The following OPCML variants were observed in gnomAD, a reference collection of about 807,000 sequenced individuals.
OPCML encodes the protein opioid binding protein/cell adhesion molecule like, also known as opioid-binding protein/cell adhesion molecule.
In OPCML, 13 loss-of-function variants were observed where a neutral mutation model predicts 37.8. That is an observed-to-expected ratio of 0.34 (90% CI 0.22 to 0.55). The LOEUF is 0.55. OPCML is among the 20% of genes least tolerant of loss of function. The pLI is 0.91. For synonymous variants in OPCML, 176 were observed against 168.8 expected, an observed-to-expected ratio of 1.04 and a Z score of -0.33; for missense variants, 341 against 435.6, an observed-to-expected ratio of 0.78 and a Z score of 1.93.
chr11:132,646,070 A>G (rs1941133440), intron 3 of OPCML, among the ~76,000 whole-genome samples: 1 of 151,870 alleles, frequency 6.6e-6, no homozygotes, highest in Non-Finnish European at 1.5e-5. Context: ...AATAAGAAAT[A>G]AGAGTGGAAA....
At chr11:132,598,496 A>T (rs1003698273) in intron 3 of OPCML, among the ~76,000 whole-genome samples, 1 of 152,182 alleles carries the variant, frequency 6.6e-6, no homozygotes, top group Non-Finnish European at 1.5e-5. Context: ...AGTCACCATG[A>T]AAACAAGTAT....
chr11:133,151,270 C>T (rs142247249), intron 1 of OPCML, among the ~76,000 whole-genome samples: 2,184 of 151,538 alleles, frequency 0.014, 49 homozygotes, highest in African/African-American at 0.05. Context: ...GAGACTCTGT[C>T]TCAATAATAA....
intron 1 of OPCML, chr11:133,420,374 G>T (rs1349890202): frequency 1.0e-6 from 1 of 985,410 alleles, no homozygotes; most frequent in African/African-American, 1.7e-5. Context: ...AGGTCTCTAG[G>T]ACAGTAGTTG....
chr11:132,732,294 T>A (rs1945103637), intron 2 of OPCML, among the ~76,000 whole-genome samples: 3 of 152,226 alleles, frequency 2.0e-5, no homozygotes, highest in Admixed American at 2.0e-4. Context: ...AACTAAGTCA[T>A]ACACCTAAGT....
intron 1 of OPCML, among the ~76,000 whole-genome samples, chr11:133,158,772 A>ATAAAATAAAAT (rs1565478783): frequency 1.7e-4 from 25 of 149,576 alleles, no homozygotes; most frequent in African/African-American, 5.8e-4. Flanking sequence ...ATTAAAAAAA[A>ATAAAATAAAAT]TTTCTAGGAG....
chr11:133,329,959 C>T (rs1025920328), intron 1 of OPCML, among the ~76,000 whole-genome samples: 7 of 152,062 alleles, frequency 4.6e-5, no homozygotes, highest in African/African-American at 1.7e-4. Context: ...GGCTAATATC[C>T]AGAATCTACA....
At position 132,606,852 on chromosome 11, in the gene OPCML, C is replaced by T. The variant is rs527616965; in HGVS notation, c.379+50235G>A. Among the ~76,000 whole-genome samples the T allele has an allele frequency of 5.9e-5, 9 of 152,260 alleles. 1 individual carries two copies. In the South Asian group the frequency reaches 1.9e-3, roughly 32 times the overall value. ...ATTGATAAGTAGATGAGCAGTGTCT[C>T]CCCCCACCCACCGCTCACCCCAGTT... is the stretch of plus-strand genomic sequence containing the variant. On this transcript the variant is annotated intron_variant, in intron 3 of 7. Coordinates refer to ENST00000524381, the MANE Select transcript of OPCML (RefSeq NM_001012393.5).
At chr11:132,576,105 A>C (rs889011794) in intron 3 of OPCML, among the ~76,000 whole-genome samples, 28 of 151,950 alleles carry the variant, frequency 1.8e-4, no homozygotes, top group African/African-American at 6.3e-4. Flanking sequence ...GACTTTTGAC[A>C]ATTTGATTTT....
intron 1 of OPCML, among the ~76,000 whole-genome samples, chr11:133,451,397 G>A (rs957189193): frequency 7.9e-5 from 12 of 151,730 alleles, no homozygotes; most frequent in African/African-American, 2.7e-4. Context: ...TGAGCATGAA[G>A]TGGAATTACT....
chr11:132,502,467 C>A (rs1592274926), intron 4 of OPCML, among the ~76,000 whole-genome samples: 1 of 152,348 alleles, frequency 6.6e-6, no homozygotes, highest in East Asian at 1.9e-4. Context: ...CACATCACAT[C>A]TCCTCCTCCT....
rs185882304 is a variant in OPCML at position 133,465,245 on chromosome 11, C to A, written c.61+67019G>T. On this transcript the variant is annotated intron_variant, in intron 1 of 7. Transcript: ENST00000524381. ...CTTCACATCACTGCAAACTCTGCTTCTGTTCACAGGTCCTCCTGGTGACTC... is the reference window on the plus strand; with the variant it reads ...CTTCACATCACTGCAAACTCTGCTTATGTTCACAGGTCCTCCTGGTGACTC... Among the ~76,000 whole-genome samples the A allele has an allele frequency of 3.2e-3, 491 of 152,322 alleles. 3 individuals are homozygous for A. The highest frequency in any genetic ancestry group is 0.011 in the African/African-American group (469 of 41,576).
intron 3 of OPCML, among the ~76,000 whole-genome samples, chr11:132,638,671 C>A (rs1940672113): frequency 6.6e-6 from 1 of 152,094 alleles, no homozygotes. Flanking sequence ...TGACTCCATC[C>A]AGATCTGCTG....
Position 132,501,658 on chromosome 11 carries a change from T to G in OPCML, c.505+27403A>C, listed in dbSNP as rs1592273917. 3.3e-5 allele frequency among the ~76,000 whole-genome samples: 5 copies of G among 152,340 alleles called. No individual in the cohort carries two copies. The South Asian group carries it at 6.2e-4, about 19-fold the overall frequency. On this transcript the variant is annotated intron_variant, in intron 4 of 7. Transcript: ENST00000524381. ...ATAGTCATATGGTTGCACTAACTCC[T>G]AACGTGGGCTATGCTTCTCACCTTC...
At chr11:133,442,903 G>A (rs1946393944) in intron 1 of OPCML, among the ~76,000 whole-genome samples, 1 of 152,156 alleles carries the variant, frequency 6.6e-6, no homozygotes, top group Non-Finnish European at 1.5e-5. Context: ...CAGAGAAATA[G>A]AAGTGCGTTT....
At chr11:133,349,542 G>C (rs1944080607) in intron 1 of OPCML, among the ~76,000 whole-genome samples, 1 of 152,182 alleles carries the variant, frequency 6.6e-6, no homozygotes, top group Admixed American at 6.5e-5. Flanking sequence ...TTCAAGTGGA[G>C]AGTGGGATCC....
chr11:132,479,844 G>C (rs1212410487), intron 4 of OPCML, among the ~76,000 whole-genome samples: 1 of 152,040 alleles, frequency 6.6e-6, no homozygotes, highest in African/African-American at 2.4e-5. Context: ...CAAACAGAAA[G>C]GACATCCGCA....
rs1945931103 is a variant in OPCML at position 133,423,277 on chromosome 11, G to C, written c.61+108987C>G. 3 of 985,332 alleles carry C rather than the reference G, an allele frequency of 3.0e-6. No homozygotes were observed. In the African/African-American group the frequency reaches 5.2e-5, roughly 17 times the overall value. The allele number at this position is 985,332 out of a possible 1,614,324, so 61.0% of individuals were successfully genotyped here. A position where few individuals can be genotyped will look rare whatever the true frequency, so the allele number is the denominator to read the frequency against. On this transcript the variant is annotated intron_variant, in intron 1 of 7. Transcript: ENST00000524381. ...ATTCTTGTCTTCAGTTTTAGCAATT[G>C]GAATTTTAGGCAGAAAGAATGAAGT...
At chr11:133,530,097 G>T (rs775429076) in intron 1 of OPCML, among the ~76,000 whole-genome samples, 1 of 152,212 alleles carries the variant, frequency 6.6e-6, no homozygotes, top group Non-Finnish European at 1.5e-5. Context: ...GGGGCAGGGG[G>T]GTGGGGGGGA....
Position 132,423,642 on chromosome 11 carries a change from C to T in OPCML, c.917-3349G>A, listed in dbSNP as rs573254969. On this transcript the variant is annotated intron_variant, in intron 7 of 7. Transcript: ENST00000524381. ...AGAAAGTTTCTGGGTTAGTTCTCTC[C>T]CACTAGGCTGCTGTATGCTACAGTT... is the stretch of plus-strand genomic sequence containing the variant. 3.3e-5 allele frequency among the ~76,000 whole-genome samples: 5 copies of T among 152,326 alleles called. No homozygotes were observed. In the South Asian group the frequency reaches 1.0e-3, roughly 32 times the overall value.
Sources: gnomAD v4.1 joint callset for allele counts (sites outside exome capture counted in the v4.1 genomes callset) on GRCh38, gnomAD v4.1.1 for gene constraint, MANE v1.5 for transcripts, NCBI Gene and HGNC (gene_info 2026-07-23, HGNC 2026-07-21) for gene names.